The following EYA3 variants were observed in gnomAD, a reference collection of about 807,000 sequenced individuals.
EYA3 encodes EYA transcriptional coactivator and phosphatase 3.
Under a neutral mutation model 80.0 loss-of-function variants are expected in EYA3, and 39 were observed. That is an observed-to-expected ratio of 0.49 (90% CI 0.38 to 0.64). The LOEUF is 0.64. Ranked by LOEUF, EYA3 falls within the 30% of genes least tolerant of loss-of-function variation. The pLI is 0.00. For synonymous variants in EYA3, 206 were observed against 232.8 expected, an observed-to-expected ratio of 0.88 and a Z score of 1.05; for missense variants, 523 against 676.1, an observed-to-expected ratio of 0.77 and a Z score of 2.51.
In EYA3 at chr1:27,974,479, A is replaced by T. The variant is rs1214520305; in HGVS notation, c.1709T>A (p.Leu570His). ...DLVSLHQALELDFL is the reference protein window; with the variant it reads ...DLVSLHQALEHDFL ...TCATTCCAGTTCTTAGAGAAAATCA[A>T]GCTCTAAAGCCTGGTGAAGGGATAC... Residue 570 changes from leucine (L) to histidine (H), a missense_variant, in exon 18 of 18, where the codon CTT (leucine) becomes CAT (histidine). Coordinates refer to ENST00000373871, the MANE Select transcript of EYA3 (RefSeq NM_001990.4). The T allele has an allele frequency of 6.2e-7, 1 of 1,612,822 alleles. No individual in the cohort carries two copies. Among genetic ancestry groups the T allele is most frequent in the Non-Finnish European group, 8.5e-7 (1 of 1,179,006 alleles).
intron 1 of EYA3, among the ~76,000 whole-genome samples, chr1:28,076,395 G>GA (rs1432774628): frequency 6.6e-6 from 1 of 151,814 alleles, no homozygotes; most frequent in Admixed American, 6.6e-5. Flanking sequence ...ATTCTTAATA[G>GA]AAAAAAATAC....
At chr1:28,074,868 G>A (rs1645149003) in intron 1 of EYA3, among the ~76,000 whole-genome samples, 1 of 152,074 alleles carries the variant, frequency 6.6e-6, no homozygotes, top group Non-Finnish European at 1.5e-5. Flanking sequence ...GTTTACTGTT[G>A]TTACTGTTTA....
chr1:28,051,303 CA>C (rs1159133759), intron 2 of EYA3, among the ~76,000 whole-genome samples: 2 of 151,628 alleles, frequency 1.3e-5, no homozygotes, highest in Non-Finnish European at 2.9e-5. Context: ...GACAAACATA[CA>C]AAAATCAATT....
At position 28,013,977 on chromosome 1, in the gene EYA3, C is replaced by T. The variant is rs917793634; in HGVS notation, c.586-683G>A. 2.0e-5 allele frequency among the ~76,000 whole-genome samples: 3 copies of T among 152,284 alleles called. No individual in the cohort carries two copies. In the East Asian group the frequency reaches 5.8e-4, roughly 29 times the overall value. ...ACTTGGGAGGCTAAGGCACAAGAAT[C>T]GCTTGAACCTGGAAAGCGGAGGTTG... On this transcript the variant is annotated intron_variant, in intron 8 of 17. Coordinates refer to ENST00000373871, the MANE Select transcript of EYA3 (RefSeq NM_001990.4). This position sits in a 1 kb window ranked among gnomAD's most constrained non-coding sequence, Gnocchi z 4.0.
intron 2 of EYA3, among the ~76,000 whole-genome samples, chr1:28,050,292 A>T (rs765024901): frequency 1.1e-4 from 16 of 151,218 alleles, no homozygotes; most frequent in Admixed American, 5.9e-4. Context: ...TCCCGGGTTC[A>T]AGCAGTTCTT....
intron 7 of EYA3, among the ~76,000 whole-genome samples, chr1:28,022,761 C>G (rs1642525574): frequency 6.6e-6 from 1 of 152,062 alleles, no homozygotes; most frequent in South Asian, 2.1e-4. Context: ...GTTACCCAGG[C>G]TGGAGTTCAG....
At chr1:28,016,823 C>T (rs1185222035) in intron 8 of EYA3, among the ~76,000 whole-genome samples, 1 of 152,112 alleles carries the variant, frequency 6.6e-6, no homozygotes, top group Non-Finnish European at 1.5e-5. Flanking sequence ...TTTTTCTATA[C>T]TCTGGGAATA....
chr1:28,087,874 AC>A (rs1181575017), intron 1 of EYA3, among the ~76,000 whole-genome samples: 1 of 150,192 alleles, frequency 6.7e-6, no homozygotes, highest in East Asian at 1.9e-4. Flanking sequence ...TTGTACCCTA[AC>A]TATGGAAGCT....
intron 10 of EYA3, among the ~76,000 whole-genome samples, chr1:28,005,019 A>G (rs148632456): frequency 6.2e-4 from 95 of 152,312 alleles, no homozygotes; most frequent in African/African-American, 2.2e-3. Context: ...TACCAGTTTT[A>G]TAGAAATAAG....
intron 2 of EYA3, among the ~76,000 whole-genome samples, chr1:28,049,668 T>C (rs1435905051): frequency 1.3e-5 from 2 of 152,170 alleles, no homozygotes; most frequent in Admixed American, 1.3e-4. Flanking sequence ...ATTACCAATG[T>C]ATACGACTAT....
chr1:28,071,232 C>T (rs60558921), intron 1 of EYA3, among the ~76,000 whole-genome samples: 10,364 of 152,102 alleles, frequency 0.068, 624 homozygotes, highest in East Asian at 0.25. Context: ...CCTCACCATA[C>T]TGTTTGATGT....
intron 6 of EYA3, among the ~76,000 whole-genome samples, chr1:28,031,030 CT>C (rs1365951464): frequency 6.6e-6 from 1 of 151,958 alleles, no homozygotes; most frequent in Non-Finnish European, 1.5e-5. Context: ...AAAATAATAC[CT>C]TATTAATAAC....
At chr1:28,019,870 C>T (rs777911800) in intron 7 of EYA3, among the ~76,000 whole-genome samples, 1 of 151,520 alleles carries the variant, frequency 6.6e-6, no homozygotes, top group Non-Finnish European at 1.5e-5. Flanking sequence ...CCGGCTAATG[C>T]TGCATTTTTT....
rs1395563228 is a variant in EYA3 at position 27,997,366 on chromosome 1, C to T, written c.1096G>A (p.Val366Ile). The T allele has an allele frequency of 3.1e-6, 5 of 1,614,074 alleles. No homozygotes were observed. Among genetic ancestry groups the T allele is most frequent in the Non-Finnish European group, 4.2e-6 (5 of 1,179,938 alleles). The change falls in exon 13 of 18, where the codon GTA (valine) becomes ATA (isoleucine). Residue 366 changes from valine (V) to isoleucine (I), a missense_variant. By Grantham distance (29) the Val-to-Ile change is conservative (BLOSUM62 3). Coordinates refer to ENST00000373871, the MANE Select transcript of EYA3 (RefSeq NM_001990.4). ...FFNDLEECDQ[V>I]HVEDVASDDN... is the part of the protein sequence containing the mutation. ...TCAGAAGCCACATCTTCCACATGTA[C>T]CTGGTCACACTCCTGTTAAAAGACA...
chr1:28,041,241 G>C (rs542040631), intron 4 of EYA3, among the ~76,000 whole-genome samples: 59 of 152,298 alleles, frequency 3.9e-4, no homozygotes, highest in African/African-American at 1.4e-3. Flanking sequence ...GTGCGTGCCT[G>C]TAATTCCAGC....
intron 10 of EYA3, among the ~76,000 whole-genome samples, chr1:28,005,864 TG>T (rs1315370229): frequency 6.6e-6 from 1 of 151,462 alleles, no homozygotes; most frequent in Non-Finnish European, 1.5e-5. Flanking sequence ...CAGCACTTTG[TG>T]AGGCCAAGGC....
chr1:28,073,401 A>C (rs1645099921), intron 1 of EYA3, among the ~76,000 whole-genome samples: 1 of 149,436 alleles, frequency 6.7e-6, no homozygotes, highest in African/African-American at 2.5e-5. Flanking sequence ...GGATTCAAGC[A>C]ATCTTCCCAC....
At chr1:28,072,130 T>C (rs1044347416) in intron 1 of EYA3, among the ~76,000 whole-genome samples, 1 of 152,086 alleles carries the variant, frequency 6.6e-6, no homozygotes, top group Admixed American at 6.6e-5. Context: ...TTATGTGACA[T>C]ATAAAGCATT....
At chr1:27,993,360 G>A in intron 14 of EYA3, 40 bp downstream of exon 14, 2 of 1,587,082 alleles carry the variant, frequency 1.3e-6, no homozygotes, top group Non-Finnish European at 1.7e-6. Flanking sequence ...AGGAAACCAG[G>A]AAGAAACAGA....
Sources: gnomAD v4.1 joint callset for allele counts (sites outside exome capture counted in the v4.1 genomes callset) on GRCh38, gnomAD v4.1.1 for gene constraint, Gnocchi (gnomAD v3.1) non-coding constraint, MANE v1.5 for transcripts, NCBI Gene and HGNC (gene_info 2026-07-23, HGNC 2026-07-21) for gene names.